Variants in PPM1H observed in about 807,000 individuals in gnomAD.
The protein encoded by PPM1H is protein phosphatase 1H.
PPM1H carries 27 observed loss-of-function variants against 54.9 expected under a neutral mutation model. The observed-to-expected ratio is 0.49, with a 90% confidence interval of 0.36 to 0.68. PPM1H has a LOEUF of 0.68. PPM1H is among the 30% of genes least tolerant of loss of function. The pLI is 0.00. For synonymous variants in PPM1H, 305 were observed against 270.8 expected (o/e 1.13, Z -1.24); for missense variants, 596 against 667.8 (o/e 0.89, Z 1.19).
chr12:62,875,911 T>C (rs1036289946), intron 1 of PPM1H, among the ~76,000 whole-genome samples: 7 of 152,148 alleles, frequency 4.6e-5, no homozygotes, highest in African/African-American at 1.7e-4. Flanking sequence ...AGATGGTATA[T>C]TGGGATTGAA....
chr12:62,802,040 C>A lies in PPM1H; in HGVS notation c.532G>T (p.Val178Leu). Residue 178 changes from valine (V) to leucine (L), a missense_variant, in exon 3 of 10, where the codon GTG (valine) becomes TTG (leucine). Transcript: ENST00000228705. ...ACGGCGGAGTTCTTCAGGATGTCCA[C>A]GATGTCCTGCAGCTGCTCCGTGATG... ...HHITEQLQDI[V>L]DILKNSAVLP... 6.2e-7 allele frequency: 1 copy of A among 1,613,416 alleles called. No individual in the cohort carries two copies. Among genetic ancestry groups the A allele is most frequent in the Non-Finnish European group, 8.5e-7 (1 of 1,179,782 alleles).
At chr12:62,759,087 CCA>C in intron 4 of PPM1H, among the ~76,000 whole-genome samples, 1 of 152,368 alleles carries the variant, frequency 6.6e-6, no homozygotes, top group East Asian at 1.9e-4. Context: ...CGATAATCCA[CCA>C]CCCTTTGCTG....
At chr12:62,725,946 C>G (rs1341116704) in intron 5 of PPM1H, among the ~76,000 whole-genome samples, 1 of 152,264 alleles carries the variant, frequency 6.6e-6, no homozygotes, top group Non-Finnish European at 1.5e-5. Flanking sequence ...TTTTCTTCCT[C>G]TGTTGCTAAC....
intron 9 of PPM1H, among the ~76,000 whole-genome samples, chr12:62,657,471 G>C (rs978429070): frequency 2.6e-5 from 4 of 152,136 alleles, no homozygotes; most frequent in African/African-American, 9.7e-5. Context: ...GCCACAGCCA[G>C]GACCTCAGGC....
rs142816087 is a variant in PPM1H at position 62,713,721 on chromosome 12, C to A, written c.1073+6450G>T. ...TGGTGGCTCATCCCTGTAATCCCAG[C>A]GCTTTGGGAGGCTGAGGCAGGAGGA... On this transcript the variant is annotated intron_variant, in intron 6 of 9. Transcript: ENST00000228705. Among the ~76,000 whole-genome samples, 3 of 152,218 alleles carry A rather than the reference C, an allele frequency of 2.0e-5. No individual in the cohort carries two copies. In the East Asian group the frequency reaches 5.8e-4, roughly 29 times the overall value.
chr12:62,755,086 T>C (rs79128162), intron 4 of PPM1H: 41,900 of 362,900 alleles, frequency 0.12, 2,748 homozygotes, highest in South Asian at 0.18. Flanking sequence ...TGATCGTCTT[T>C]GGATGGTGAG....
chr12:62,932,078 CTGACT>C (rs1181315991), intron 1 of PPM1H, among the ~76,000 whole-genome samples: 2 of 147,456 alleles, frequency 1.4e-5, no homozygotes, highest in Non-Finnish European at 3.0e-5. Flanking sequence ...GGAAGAGGGG[CTGACT>C]TTTTTTTTTT....
intron 1 of PPM1H, among the ~76,000 whole-genome samples, chr12:62,914,717 T>C (rs1258514920): frequency 5.3e-5 from 8 of 152,210 alleles, no homozygotes; most frequent in Non-Finnish European, 1.5e-5. Context: ...AGCCTAGAAG[T>C]GACACTTCAT....
At chr12:62,915,713 G>T (rs946278201) in intron 1 of PPM1H, among the ~76,000 whole-genome samples, 2 of 152,160 alleles carry the variant, frequency 1.3e-5, no homozygotes, top group Non-Finnish European at 2.9e-5. Flanking sequence ...GGTTCCAGAG[G>T]ACATGCCTGG....
At chr12:62,827,390 C>T (rs1868302181) in intron 2 of PPM1H, among the ~76,000 whole-genome samples, 2 of 152,140 alleles carry the variant, frequency 1.3e-5, no homozygotes, top group Non-Finnish European at 2.9e-5. Flanking sequence ...TTATTTTAAG[C>T]CGTTATCATT....
At chr12:62,776,195 G>A (rs2076610063) in intron 4 of PPM1H, among the ~76,000 whole-genome samples, 1 of 152,048 alleles carries the variant, frequency 6.6e-6, no homozygotes, top group Admixed American at 6.6e-5. Context: ...ATTTGGGTGG[G>A]GACACAGCCA....
intron 3 of PPM1H, among the ~76,000 whole-genome samples, chr12:62,789,057 C>G (rs2120706453): frequency 6.6e-6 from 1 of 152,256 alleles, no homozygotes; most frequent in East Asian, 1.9e-4. Flanking sequence ...GCTCTGTCAC[C>G]CAGGCTGGAG....
At chr12:62,721,262 A>C (rs1376316325) in intron 5 of PPM1H, among the ~76,000 whole-genome samples, 1 of 152,184 alleles carries the variant, frequency 6.6e-6, no homozygotes, top group African/African-American at 2.4e-5. Context: ...ACTGATTCTC[A>C]TGAAGGTCTG....
intron 3 of PPM1H, 61 bp from the exon 4 acceptor site, chr12:62,788,399 CT>C: frequency 9.6e-7 from 1 of 1,038,512 alleles, no homozygotes; most frequent in Non-Finnish European, 1.5e-6. Context: ...AGCTTTCTCA[CT>C]TTCATTCTCT....
intron 8 of PPM1H, among the ~76,000 whole-genome samples, chr12:62,682,662 C>A (rs2076025911): frequency 6.6e-6 from 1 of 152,048 alleles, no homozygotes; most frequent in Non-Finnish European, 1.5e-5. Context: ...CACCACTATG[C>A]CCGGATAATT....
chr12:62,763,786 G>T (rs1184139402), intron 4 of PPM1H, among the ~76,000 whole-genome samples: 2 of 152,180 alleles, frequency 1.3e-5, no homozygotes, highest in Non-Finnish European at 2.9e-5. Flanking sequence ...ATCTTGAGAG[G>T]CTAGTGGTTT....
intron 4 of PPM1H, among the ~76,000 whole-genome samples, chr12:62,757,988 C>A (rs147795622): frequency 6.6e-6 from 1 of 152,142 alleles, no homozygotes; most frequent in Non-Finnish European, 1.5e-5. Flanking sequence ...AATTAGAAAG[C>A]GCAGTAATAG....
chr12:62,886,966 T>C (rs1870612314), intron 1 of PPM1H, among the ~76,000 whole-genome samples: 1 of 152,158 alleles, frequency 6.6e-6, no homozygotes, highest in Non-Finnish European at 1.5e-5. Context: ...CCTGCCTACC[T>C]AAAAGTGGCT....
intron 7 of PPM1H, 73 bp from the exon 8 acceptor site, chr12:62,689,879 G>A (rs2136637608): frequency 9.4e-7 from 1 of 1,065,514 alleles, no homozygotes; most frequent in East Asian, 2.6e-5. Context: ...CAGCTGCCTG[G>A]GCTAGGAACA....
Sources: allele counts gnomAD v4.1 joint callset (sites outside exome capture counted in the v4.1 genomes callset), GRCh38; gene constraint gnomAD v4.1.1; transcripts MANE v1.5; gene names NCBI Gene and HGNC (gene_info 2026-07-23, HGNC 2026-07-21).